The following PLCG2 variants were observed in gnomAD, a reference collection of about 807,000 sequenced individuals.
PLCG2 encodes 1-phosphatidylinositol 4,5-bisphosphate phosphodiesterase gamma-2.
In PLCG2, 69 loss-of-function variants were observed where a neutral mutation model predicts 175.6. The ratio of observed to expected loss-of-function variants is 0.39; its 90% CI spans 0.32 to 0.48. PLCG2 has a LOEUF of 0.48. Among genes scored for constraint, PLCG2 ranks in the 20% least tolerant of loss-of-function variants. PLCG2 has a pLI of 0.91. For missense variants in PLCG2, 1,798 were observed against 1,650.9 expected, an observed-to-expected ratio of 1.09 and a Z score of -1.54; for synonymous variants, 827 against 624.0, an observed-to-expected ratio of 1.33 and a Z score of -4.85.
At chr16:81,814,856 T>C (rs190649952) in intron 2 of PLCG2, among the ~76,000 whole-genome samples, 3 of 152,298 alleles carry the variant, frequency 2.0e-5, no homozygotes, top group African/African-American at 4.8e-5. Flanking sequence ...GGGATTATGA[T>C]GATCCTCTCC....
chr16:81,956,829 C>G lies in PLCG2; in HGVS notation c.3705C>G (p.Phe1235Leu), dbSNP rs1414406167. 9.9e-6 allele frequency: 16 copies of G among 1,614,032 alleles called. No homozygotes were observed. Among genetic ancestry groups the G allele is most frequent in the Non-Finnish European group, 1.4e-5 (16 of 1,180,022 alleles). The change falls in exon 32 of 33, where the codon TTC (phenylalanine) becomes TTG (leucine). Residue 1235 changes from phenylalanine (F) to leucine (L), a missense_variant. Phe to Leu is a conservative substitution (Grantham distance 22). Transcript: ENST00000564138. The stretch of plus-strand genomic sequence containing the variant: ...ACCGGGATGCCCTGGTTAAAGAGTT[C>G]AGTGTTAATGAGAACCAGCTCCAGC... The part of the protein sequence containing the change: ...NANRDALVKE[F>L]SVNENQLQLY...
chr16:81,903,654 G>C (rs1455939514), intron 14 of PLCG2, among the ~76,000 whole-genome samples: 1 of 152,188 alleles, frequency 6.6e-6, no homozygotes, highest in African/African-American at 2.4e-5. Context: ...ATAAGGGGTG[G>C]AGGGAGCTCG....
chr16:81,884,757 C>T (rs1027358087), intron 9 of PLCG2, among the ~76,000 whole-genome samples: 7 of 151,812 alleles, frequency 4.6e-5, no homozygotes, highest in Admixed American at 2.0e-4. Context: ...AGGGTTGCAG[C>T]AAAAATAAGT....
chr16:81,880,851 G>C (rs890161420), intron 7 of PLCG2, 59 bp from the exon 8 acceptor site: 1 of 1,518,604 alleles, frequency 6.6e-7, no homozygotes, highest in Non-Finnish European at 9.1e-7. Context: ...AAATCTTTCC[G>C]TTTTTGCATT....
At chr16:81,824,344 G>C (rs756557401) in intron 2 of PLCG2, among the ~76,000 whole-genome samples, 3 of 152,150 alleles carry the variant, frequency 2.0e-5, no homozygotes, top group Non-Finnish European at 4.4e-5. Flanking sequence ...ACGTTGGCCA[G>C]GCTGGTCTTG....
chr16:81,812,658 C>T (rs933926426), intron 2 of PLCG2, among the ~76,000 whole-genome samples: 4 of 152,130 alleles, frequency 2.6e-5, no homozygotes, highest in Non-Finnish European at 2.9e-5. Context: ...ATGATAGTTT[C>T]TTTTGCTGTG....
At chr16:81,936,019 T>C (rs1290653774) in intron 26 of PLCG2, 150 bp from the exon 27 acceptor site, 4 of 1,447,592 alleles carry the variant, frequency 2.8e-6, no homozygotes, top group Non-Finnish European at 3.6e-6. Context: ...GTGATACCAA[T>C]TGGGACAATA....
chr16:81,874,585 T>C (rs1026167712), intron 7 of PLCG2, among the ~76,000 whole-genome samples: 2 of 152,082 alleles, frequency 1.3e-5, no homozygotes, highest in East Asian at 3.9e-4. Context: ...GTTTTGTGAT[T>C]TGGGGGGAAT....
upstream of PLCG2, among the ~76,000 whole-genome samples, chr16:81,778,082 A>AAC: frequency 7.3e-6 from 1 of 136,654 alleles, no homozygotes; most frequent in Admixed American, 7.1e-5. Flanking sequence ...ACACACACAC[A>AAC]AAAAAAACGC....
At chr16:81,800,003 T>C (rs1234301306) in intron 2 of PLCG2, among the ~76,000 whole-genome samples, 1 of 152,246 alleles carries the variant, frequency 6.6e-6, no homozygotes, top group Non-Finnish European at 1.5e-5. Context: ...AGATCTTGGC[T>C]ATGCCACTTA....
chr16:81,797,834 T>G (rs1481295292), intron 2 of PLCG2, among the ~76,000 whole-genome samples: 1 of 146,936 alleles, frequency 6.8e-6, no homozygotes, highest in Admixed American at 6.8e-5. Context: ...TCTTTTTTCT[T>G]GTCTTTTTTT....
chr16:81,751,251 G>A (rs1354133105), intron 1 of PLCG2, among the ~76,000 whole-genome samples: 2 of 152,152 alleles, frequency 1.3e-5, no homozygotes, highest in African/African-American at 2.4e-5. Context: ...ATAGTGCTGG[G>A]ATTACAGGCA....
At chr16:81,801,898 C>G (rs1015707387) in intron 2 of PLCG2, among the ~76,000 whole-genome samples, 8 of 151,898 alleles carry the variant, frequency 5.3e-5, no homozygotes, top group East Asian at 1.9e-4. Flanking sequence ...TCAGGCTGGT[C>G]TCGAACTCCT....
chr16:81,867,943 C>T (rs1488946455), intron 5 of PLCG2, among the ~76,000 whole-genome samples: 4 of 152,190 alleles, frequency 2.6e-5, no homozygotes, highest in East Asian at 1.9e-4. Flanking sequence ...TCGTGATCCG[C>T]CCGCCTCAGC....
At position 81,953,682 on chromosome 16, in the gene PLCG2, T is replaced by C. The variant is rs537174123; in HGVS notation, c.3571-3013T>C. 5.3e-5 allele frequency among the ~76,000 whole-genome samples: 8 copies of C among 152,304 alleles called. No homozygotes were observed. The East Asian group carries it at 1.5e-3, about 29-fold the overall frequency. ...AAATGCTTTCTCTTGACTAGAGTGG[T>C]GGTTCCTCAAGTCAAGAGGGCTGGT... is the stretch of plus-strand genomic sequence containing the variant. On this transcript the variant is annotated intron_variant, in intron 31 of 32. Transcript: ENST00000564138.
At chr16:81,823,202 G>C (rs116142376) in intron 2 of PLCG2, among the ~76,000 whole-genome samples, 173 of 152,358 alleles carry the variant, frequency 1.1e-3, no homozygotes, top group African/African-American at 3.9e-3. Context: ...ATTGTTTTCA[G>C]TTCAGCCTAG....
At chr16:81,954,930 G>T (rs1457397984) in intron 31 of PLCG2, among the ~76,000 whole-genome samples, 1 of 152,124 alleles carries the variant, frequency 6.6e-6, no homozygotes. Context: ...CTTCCACAAT[G>T]GTTGAACTAA....
Position 81,939,963 on chromosome 16 carries a change from C to T in PLCG2, c.3385C>T (p.Leu1129=). 1.2e-6 allele frequency: 2 copies of T among 1,613,916 alleles called. No homozygotes were observed. The highest frequency in any genetic ancestry group is 1.1e-5 in the South Asian group (1 of 91,082). The change falls in exon 30 of 33, where the codon CTG becomes TTG. Residue 1129 remains leucine, a synonymous_variant. Coordinates refer to ENST00000564138, the MANE Select transcript of PLCG2 (RefSeq NM_002661.5). ...KVTFEIYDPN[L]AFLRFVVYEE... is the part of the protein sequence containing the mutation. ...GACATTTGAAATTTATGACCCAAACCTGGCATTTCTGCGCTTTGTGGTTTA... is the reference window on the plus strand; with the variant it reads ...GACATTTGAAATTTATGACCCAAACTTGGCATTTCTGCGCTTTGTGGTTTA...
chr16:81,833,198 A>C (rs1567488324), intron 2 of PLCG2, among the ~76,000 whole-genome samples: 1 of 152,232 alleles, frequency 6.6e-6, no homozygotes, highest in Non-Finnish European at 1.5e-5. Context: ...GGGGTTCAGC[A>C]ACCCCAGAAT....
Sources: allele counts gnomAD v4.1 joint callset (sites outside exome capture counted in the v4.1 genomes callset), GRCh38; gene constraint gnomAD v4.1.1; transcripts MANE v1.5; gene names NCBI Gene and HGNC (gene_info 2026-07-23, HGNC 2026-07-21).